The following KCNH8 variants were observed in gnomAD, a reference collection of about 807,000 sequenced individuals.
KCNH8 encodes voltage-gated delayed rectifier potassium channel KCNH8.
A neutral mutation model predicts 103.6 loss-of-function variants in KCNH8; 70 were observed. That is an observed-to-expected ratio of 0.68 (90% CI 0.56 to 0.82). The LOEUF (loss-of-function observed/expected upper bound fraction) is 0.82, where lower values mean the gene tolerates loss of function less well. Ranked by LOEUF, KCNH8 falls within the 40% of genes least tolerant of loss-of-function variation. The pLI is 0.00. For synonymous variants in KCNH8, 498 were observed against 489.4 expected (o/e 1.02, Z -0.23); for missense variants, 1,217 against 1,329.9 (o/e 0.92, Z 1.32).
rs796655436 is a variant in KCNH8, at chr3:19,419,200, T to G, written c.1178-18964T>G. Among the ~76,000 whole-genome samples the G allele has an allele frequency of 2.0e-3, 274 of 133,954 alleles. 4 individuals carry two copies. The highest frequency in any genetic ancestry group is 7.0e-3 in the East Asian group (33 of 4,708). The allele number at this position is 133,954 out of a possible 152,430, so 87.9% of individuals were successfully genotyped here. A position where few individuals can be genotyped will look rare whatever the true frequency, so the allele number is the denominator to read the frequency against. ...AAGTAATTAAAATGGTTTTGGTTTTTTTTTTTTTTTTTTTTTTGAGACGGA... is the reference window on the plus strand; with the variant it reads ...AAGTAATTAAAATGGTTTTGGTTTTGTTTTTTTTTTTTTTTTTGAGACGGA... On this transcript the variant is annotated intron_variant, in intron 7 of 15. Coordinates refer to ENST00000328405, the MANE Select transcript of KCNH8 (RefSeq NM_144633.3).
chr3:19,171,501 A>G (rs773699302), intron 1 of KCNH8, among the ~76,000 whole-genome samples: 29 of 152,200 alleles, frequency 1.9e-4, no homozygotes, highest in Admixed American at 4.6e-4. Flanking sequence ...TTAAGGGTTG[A>G]TGAACATGGT....
intron 11 of KCNH8, among the ~76,000 whole-genome samples, chr3:19,482,369 G>T (rs2068105947): frequency 6.6e-6 from 1 of 152,136 alleles, no homozygotes; most frequent in Non-Finnish European, 1.5e-5. Flanking sequence ...AATATGAGGG[G>T]TGGTCTCCCT....
chr3:19,259,268 C>A (rs2064396164), intron 2 of KCNH8, among the ~76,000 whole-genome samples: 1 of 151,248 alleles, frequency 6.6e-6, no homozygotes. Flanking sequence ...TAAGCCACTA[C>A]CATGAATACA....
At chr3:19,224,086 A>G (rs2063903626) in intron 1 of KCNH8, among the ~76,000 whole-genome samples, 1 of 152,176 alleles carries the variant, frequency 6.6e-6, no homozygotes, top group Non-Finnish European at 1.5e-5. Context: ...GACAGAGCCA[A>G]GATTTCTGTT....
chr3:19,483,644 G>T (rs1303481560), intron 11 of KCNH8, among the ~76,000 whole-genome samples: 1 of 151,914 alleles, frequency 6.6e-6, no homozygotes, highest in Non-Finnish European at 1.5e-5. Context: ...GGTTTTTTTT[G>T]GAATTTCTGG....
At chr3:19,496,918 T>C (rs2068454426) in intron 11 of KCNH8, among the ~76,000 whole-genome samples, 1 of 152,178 alleles carries the variant, frequency 6.6e-6, no homozygotes, top group African/African-American at 2.4e-5. Context: ...GGTTCAGTTT[T>C]AGGAGGTTAT....
chr3:19,322,278 G>C (rs899604724), intron 3 of KCNH8, among the ~76,000 whole-genome samples: 1 of 151,882 alleles, frequency 6.6e-6, no homozygotes, highest in Non-Finnish European at 1.5e-5. Context: ...TTGTTTTATA[G>C]GTCCTGTGAG....
intron 1 of KCNH8, among the ~76,000 whole-genome samples, chr3:19,193,874 T>C (rs1298200150): frequency 6.6e-6 from 1 of 151,718 alleles, no homozygotes; most frequent in Non-Finnish European, 1.5e-5. Context: ...TGTGCAAAAA[T>C]AAAAGAGACA....
chr3:19,493,090 T>TA (rs1180324361), intron 11 of KCNH8, among the ~76,000 whole-genome samples: 2 of 152,214 alleles, frequency 1.3e-5, no homozygotes. Flanking sequence ...CCTAAAACCT[T>TA]ACTAAAATTG....
rs187802544 is a variant in KCNH8, at chr3:19,240,636, A to C, written c.77-13018A>C. Among the ~76,000 whole-genome samples the C allele has an allele frequency of 3.5e-3, 530 of 151,856 alleles. 13 individuals carry two copies. Among genetic ancestry groups the C allele is most frequent in the Admixed American group, 6.2e-3 (94 of 15,256 alleles). On this transcript the variant is annotated intron_variant, in intron 1 of 15. Coordinates refer to ENST00000328405, the MANE Select transcript of KCNH8 (RefSeq NM_144633.3). ...TAAAAAAAAAAAAAAAACAAAAAAAACTTCGGAATCTATTCAACTGCATAC... is the reference window on the plus strand; with the variant it reads ...TAAAAAAAAAAAAAAAACAAAAAAACCTTCGGAATCTATTCAACTGCATAC...
intron 11 of KCNH8, among the ~76,000 whole-genome samples, chr3:19,501,716 A>T (rs2068586922): frequency 6.6e-6 from 1 of 152,262 alleles, no homozygotes; most frequent in Admixed American, 6.5e-5. Context: ...GCCCTTGACA[A>T]AATTCAACAA....
intron 5 of KCNH8, among the ~76,000 whole-genome samples, chr3:19,387,736 T>C (rs1237271297): frequency 6.6e-6 from 1 of 152,144 alleles, no homozygotes; most frequent in Non-Finnish European, 1.5e-5. Context: ...ATTTCAAAAA[T>C]AGATTTGTAT....
intron 5 of KCNH8, among the ~76,000 whole-genome samples, chr3:19,381,410 T>G (rs1345582311): frequency 6.6e-6 from 1 of 152,172 alleles, no homozygotes; most frequent in Non-Finnish European, 1.5e-5. Context: ...GTAGACAAAT[T>G]ATAAAAGTTA....
chr3:19,148,590 C>A lies in KCNH8; in HGVS notation c.-130C>A. ...CCTCCATCCTTCCACTTCCCCTGCT[C>A]GGCCCCGCCGTCAGGCCGGGTCCCC... is the stretch of plus-strand genomic sequence containing the variant. On this transcript the variant is annotated 5_prime_UTR_variant, in exon 1 of 16. Coordinates refer to ENST00000328405, the MANE Select transcript of KCNH8 (RefSeq NM_144633.3). The A allele has an allele frequency of 1.2e-6, 1 of 844,436 alleles. No individual in the cohort carries two copies. The highest frequency in any genetic ancestry group is 2.0e-6 in the Non-Finnish European group (1 of 493,072). 52.3% of individuals were successfully genotyped at this position (844,436 alleles called of 1,614,324 possible). A position where few individuals can be genotyped will look rare whatever the true frequency, so the allele number is the denominator to read the frequency against.
At chr3:19,224,115 G>A (rs1299498796) in intron 1 of KCNH8, among the ~76,000 whole-genome samples, 1 of 152,078 alleles carries the variant, frequency 6.6e-6, no homozygotes, top group Admixed American at 6.6e-5. Flanking sequence ...TTGACATGGA[G>A]TGGTTTTTCT....
chr3:19,505,069 A>G (rs967336814), intron 11 of KCNH8, among the ~76,000 whole-genome samples: 5 of 147,406 alleles, frequency 3.4e-5, no homozygotes, highest in African/African-American at 1.3e-4. Flanking sequence ...CAATCTCTAT[A>G]TATGTATATA....
At chr3:19,508,881 T>C (rs1057234503) in intron 11 of KCNH8, among the ~76,000 whole-genome samples, 7 of 152,218 alleles carry the variant, frequency 4.6e-5, no homozygotes, top group African/African-American at 1.7e-4. Flanking sequence ...ACTAGAAGCA[T>C]ACTCAAATCA....
intron 1 of KCNH8, among the ~76,000 whole-genome samples, chr3:19,206,391 G>C (rs1015294495): frequency 3.3e-5 from 5 of 151,670 alleles, no homozygotes; most frequent in Admixed American, 6.6e-5. Context: ...GCCTGCAAAA[G>C]CATAAGGGGA....
chr3:19,369,335 A>G (rs1341560379), intron 5 of KCNH8, among the ~76,000 whole-genome samples: 1 of 151,732 alleles, frequency 6.6e-6, no homozygotes, highest in Non-Finnish European at 1.5e-5. Flanking sequence ...TCCACTGTCT[A>G]CTACTGTGTT....
Sources: gnomAD v4.1 joint callset for allele counts (sites outside exome capture counted in the v4.1 genomes callset) on GRCh38, gnomAD v4.1.1 for gene constraint, MANE v1.5 for transcripts, NCBI Gene and HGNC (gene_info 2026-07-23, HGNC 2026-07-21) for gene names.